The following RPS6KC1 variants were observed in gnomAD, a reference collection of about 807,000 sequenced individuals.
The protein encoded by RPS6KC1 is inactive ribosomal protein S6 kinase delta-1.
RPS6KC1 carries 54 observed loss-of-function variants against 103.8 expected under a neutral mutation model. The observed-to-expected ratio is 0.52, with a 90% CI of 0.42 to 0.65. The LOEUF is 0.65. Ranked by LOEUF, RPS6KC1 falls within the 30% of genes least tolerant of loss-of-function variation. RPS6KC1 has a pLI of 0.00. For synonymous variants in RPS6KC1, 439 were observed against 438.7 expected (o/e 1.00, Z -0.01); for missense variants, 1,151 against 1,253.8 (o/e 0.92, Z 1.24).
the RPS6KC1 span, among the ~76,000 whole-genome samples, chr1:213,457,473 C>G: frequency 8.2e-6 from 1 of 122,666 alleles, no homozygotes; most frequent in African/African-American, 2.8e-5. Context: ...TCCGGGCATC[C>G]TCTCACTGAG....
chr1:213,095,438 A>G (rs2081360288), intron 3 of RPS6KC1, among the ~76,000 whole-genome samples: 1 of 152,240 alleles, frequency 6.6e-6, no homozygotes, highest in East Asian at 1.9e-4. Flanking sequence ...CTAAATAATA[A>G]AAACAACATA....
the RPS6KC1 span, among the ~76,000 whole-genome samples, chr1:213,709,324 T>C: frequency 6.6e-6 from 1 of 152,224 alleles, no homozygotes; most frequent in Non-Finnish European, 1.5e-5. Context: ...CTAGATTTTC[T>C]AGTTCAGTTG....
the RPS6KC1 span, among the ~76,000 whole-genome samples, chr1:213,343,174 A>G: frequency 1.2e-4 from 18 of 152,068 alleles, no homozygotes; most frequent in East Asian, 1.9e-3. Context: ...ACATTTCAAT[A>G]GGATATCTGG....
At chr1:213,375,855 T>TG in the RPS6KC1 span, among the ~76,000 whole-genome samples, 64 of 152,320 alleles carry the variant, frequency 4.2e-4, no homozygotes, top group African/African-American at 1.4e-3. Flanking sequence ...GATTGGCTGC[T>TG]GGGGGGTCTC....
intron 3 of RPS6KC1, among the ~76,000 whole-genome samples, chr1:213,082,061 G>C (rs775522632): frequency 6.6e-6 from 1 of 152,100 alleles, no homozygotes; most frequent in Non-Finnish European, 1.5e-5. Flanking sequence ...CTGAAAATGT[G>C]GAGTGGTTTT....
the RPS6KC1 span, among the ~76,000 whole-genome samples, chr1:213,657,308 T>C: frequency 6.6e-6 from 1 of 151,904 alleles, no homozygotes; most frequent in Non-Finnish European, 1.5e-5. Flanking sequence ...GAGATTGCAC[T>C]GAAGGTTAAG....
At chr1:213,208,979 C>A (rs2093428860) in intron 8 of RPS6KC1, among the ~76,000 whole-genome samples, 1 of 151,842 alleles carries the variant, frequency 6.6e-6, no homozygotes, top group African/African-American at 2.4e-5. Context: ...TCAAGCTAAG[C>A]CTATAAAGTT....
the RPS6KC1 span, among the ~76,000 whole-genome samples, chr1:213,585,796 G>A: frequency 6.6e-6 from 1 of 152,104 alleles, no homozygotes; most frequent in African/African-American, 2.4e-5. Context: ...CGAGACACAT[G>A]GCACGGCTTA....
At chr1:213,691,770 A>ACGGGAAGGAATCGTTCCTCCAT in the RPS6KC1 span, among the ~76,000 whole-genome samples, 1 of 152,132 alleles carries the variant, frequency 6.6e-6, no homozygotes, top group African/African-American at 2.4e-5. Flanking sequence ...GAAAGCATGC[A>ACGGGAAGGAATCGTTCCTCCAT]CGGGAAGGAA....
the RPS6KC1 span, among the ~76,000 whole-genome samples, chr1:213,449,860 T>C: frequency 1.3e-5 from 2 of 152,194 alleles, no homozygotes; most frequent in Admixed American, 1.3e-4. Flanking sequence ...GCAACAATAA[T>C]TCTTATTAGA....
At position 213,104,582 on chromosome 1, in the gene RPS6KC1, T is replaced by C; in HGVS notation, c.378+13T>C. 2 of 1,389,260 alleles carry C rather than the reference T, an allele frequency of 1.4e-6. No individual in the cohort carries two copies. The highest frequency in any genetic ancestry group is 1.9e-5 in the Admixed American group (1 of 52,864). The allele number at this position is 1,389,260 out of a possible 1,614,324, so 86.1% of individuals were successfully genotyped here. On this transcript the variant is annotated intron_variant, in intron 4 of 14. Transcript: ENST00000366960. Reference sequence around the variant, plus strand: ...AGACTTTTTCAAGGTTTGGTAGTCTTTCTGGAATATTTTATATCTTATTAA... The same window carrying C: ...AGACTTTTTCAAGGTTTGGTAGTCTCTCTGGAATATTTTATATCTTATTAA...
chr1:213,198,400 G>A lies in RPS6KC1; in HGVS notation c.1044+21908G>A, dbSNP rs188565468. ...CTCTTAATATTGTTTCCTTTGTCTT[G>A]ACTTTAGATAACCTGATGACTATGT... On this transcript the variant is annotated intron_variant, in intron 8 of 14. Transcript: ENST00000366960. Among the ~76,000 whole-genome samples, 5 of 152,174 alleles carry A rather than the reference G, an allele frequency of 3.3e-5. No individual in the cohort carries two copies. In the East Asian group the frequency reaches 5.8e-4, roughly 18 times the overall value.
chr1:213,289,964 A>C, the RPS6KC1 span, among the ~76,000 whole-genome samples: 1 of 151,888 alleles, frequency 6.6e-6, no homozygotes, highest in South Asian at 2.1e-4. Context: ...TCTTGAACCC[A>C]GGAGGCAGAG....
At chr1:213,835,399 A>G in the RPS6KC1 span, among the ~76,000 whole-genome samples, 75 of 152,330 alleles carry the variant, frequency 4.9e-4, no homozygotes, top group African/African-American at 1.8e-3. Context: ...AAGAGGCATC[A>G]TCTGCTTTAT....
the RPS6KC1 span, among the ~76,000 whole-genome samples, chr1:213,854,562 T>TTCTTTCTTTCTTTCTTTCTTTCTTTC: frequency 8.2e-6 from 1 of 122,548 alleles, no homozygotes; most frequent in African/African-American, 3.5e-5. Context: ...CTTTCTTTCT[T>TTCTTTCTTTCTTTCTTTCTTTCTTTC]TCTCTCTCTC....
chr1:213,836,485 CTCT>C, the RPS6KC1 span, among the ~76,000 whole-genome samples: 5 of 151,940 alleles, frequency 3.3e-5, no homozygotes, highest in African/African-American at 9.7e-5. Context: ...CATCTCCTTC[CTCT>C]TCTTCTTCCC....
At chr1:213,602,880 C>T in the RPS6KC1 span, among the ~76,000 whole-genome samples, 204 of 152,272 alleles carry the variant, frequency 1.3e-3, 1 homozygote, top group Non-Finnish European at 1.8e-3. Context: ...TTTATATTTT[C>T]CCCATGGAGA....
At chr1:213,858,958 A>G in the RPS6KC1 span, among the ~76,000 whole-genome samples, 1 of 152,228 alleles carries the variant, frequency 6.6e-6, no homozygotes, top group South Asian at 2.1e-4. Flanking sequence ...AAATAAATGC[A>G]TCTCTGATCT....
At chr1:213,337,537 A>G in the RPS6KC1 span, among the ~76,000 whole-genome samples, 1 of 152,138 alleles carries the variant, frequency 6.6e-6, no homozygotes, top group Non-Finnish European at 1.5e-5. Flanking sequence ...CGGGCAGCAG[A>G]TGGGTGAGGT....
Sources: allele counts gnomAD v4.1 joint callset (sites outside exome capture counted in the v4.1 genomes callset), GRCh38; gene constraint gnomAD v4.1.1; transcripts MANE v1.5; gene names NCBI Gene and HGNC (gene_info 2026-07-23, HGNC 2026-07-21).